The following GALNT13 variants were observed in gnomAD, a reference collection of about 807,000 sequenced individuals.
GALNT13 encodes UDP-GalNAc:polypeptide N-acetylgalactosaminyltransferase 13.
GALNT13 carries 28 observed loss-of-function variants against 64.2 expected under a neutral mutation model. That is an observed-to-expected ratio of 0.44 (90% CI 0.32 to 0.60). GALNT13 has a LOEUF of 0.60. GALNT13 is among the 20% of genes least tolerant of loss of function. The pLI is 0.05. For missense variants in GALNT13, 577 were observed against 669.8 expected (o/e 0.86, Z 1.53); for synonymous variants, 214 against 224.6 (o/e 0.95, Z 0.42).
chr2:154,006,868 G>C (rs1312143559), intron 3 of GALNT13, among the ~76,000 whole-genome samples: 1 of 152,110 alleles, frequency 6.6e-6, no homozygotes, highest in Non-Finnish European at 1.5e-5. Flanking sequence ...GATTGTAATG[G>C]GAAGACTTGT....
chr2:153,092,537 T>G, the GALNT13 span, among the ~76,000 whole-genome samples: 1 of 152,236 alleles, frequency 6.6e-6, no homozygotes, highest in African/African-American at 2.4e-5. Flanking sequence ...TTATAGTTTT[T>G]ATTATAGAGA....
At chr2:153,991,247 G>A (rs533898194) in intron 3 of GALNT13, among the ~76,000 whole-genome samples, 2 of 152,178 alleles carry the variant, frequency 1.3e-5, no homozygotes, top group Non-Finnish European at 2.9e-5. Context: ...GCTGGGCAGG[G>A]CTAGATTGTG....
At chr2:153,478,395 C>T in the GALNT13 span, 3 of 1,614,094 alleles carry the variant, frequency 1.9e-6, no homozygotes, top group Admixed American at 1.7e-5. Flanking sequence ...CCGCGATCTG[C>T]ACCACGCGCA....
chr2:153,536,508 G>A, the GALNT13 span, among the ~76,000 whole-genome samples: 1 of 152,002 alleles, frequency 6.6e-6, no homozygotes, highest in Non-Finnish European at 1.5e-5. Flanking sequence ...AAGATGAAGT[G>A]ATGACTTGTA....
the GALNT13 span, among the ~76,000 whole-genome samples, chr2:153,781,424 T>C: frequency 6.6e-6 from 1 of 152,146 alleles, no homozygotes; most frequent in African/African-American, 2.4e-5. Flanking sequence ...AGAATTAGAA[T>C]GAACACATCT....
chr2:153,162,178 G>T, the GALNT13 span, among the ~76,000 whole-genome samples: 1 of 152,120 alleles, frequency 6.6e-6, no homozygotes, highest in Non-Finnish European at 1.5e-5. Context: ...ATGCTGACAG[G>T]TATCAGTCAC....
the GALNT13 span, among the ~76,000 whole-genome samples, chr2:153,570,306 C>T: frequency 6.6e-6 from 1 of 151,826 alleles, no homozygotes; most frequent in Non-Finnish European, 1.5e-5. Flanking sequence ...TAAATTTTTC[C>T]CTATAGTGTT....
the GALNT13 span, among the ~76,000 whole-genome samples, chr2:153,755,473 T>C: frequency 6.6e-6 from 1 of 152,144 alleles, no homozygotes; most frequent in Non-Finnish European, 1.5e-5. Flanking sequence ...GAGCTTATGG[T>C]TTTAATGGGC....
the GALNT13 span, among the ~76,000 whole-genome samples, chr2:153,550,354 C>G: frequency 6.6e-6 from 1 of 151,808 alleles, no homozygotes; most frequent in Non-Finnish European, 1.5e-5. Context: ...CATGCCTCAG[C>G]CTGCTGAGTA....
chr2:153,394,066 G>C, the GALNT13 span, among the ~76,000 whole-genome samples: 1 of 151,662 alleles, frequency 6.6e-6, no homozygotes, highest in African/African-American at 2.4e-5. Flanking sequence ...AATGAAACGT[G>C]AACAGAAGTG....
the GALNT13 span, among the ~76,000 whole-genome samples, chr2:153,494,677 AC>A: frequency 4.6e-5 from 7 of 152,050 alleles, no homozygotes; most frequent in African/African-American, 1.7e-4. Context: ...TAGAAGAGAA[AC>A]CTTTGTGACC....
chr2:153,327,852 G>A, the GALNT13 span, among the ~76,000 whole-genome samples: 2 of 152,018 alleles, frequency 1.3e-5, no homozygotes, highest in African/African-American at 2.4e-5. Flanking sequence ...TCGGAGTTGT[G>A]ATCCTTTGGA....
At chr2:154,029,645 TAAACAA>T (rs1489940816) in intron 3 of GALNT13, among the ~76,000 whole-genome samples, 1 of 152,082 alleles carries the variant, frequency 6.6e-6, no homozygotes, top group Non-Finnish European at 1.5e-5. Flanking sequence ...TATTTAGTTT[TAAACAA>T]AATGTACAAG....
the GALNT13 span, among the ~76,000 whole-genome samples, chr2:153,841,317 T>C: frequency 6.6e-6 from 1 of 152,224 alleles, no homozygotes; most frequent in Non-Finnish European, 1.5e-5. Context: ...TATTCCTTTA[T>C]AATTTTATAG....
chr2:154,169,324 G>A (rs1464797673), intron 4 of GALNT13, among the ~76,000 whole-genome samples: 1 of 152,236 alleles, frequency 6.6e-6, no homozygotes, highest in East Asian at 1.9e-4. Context: ...CATCACATTT[G>A]GGAAATAGGC....
At chr2:154,337,404 T>A (rs899196268) in intron 9 of GALNT13, among the ~76,000 whole-genome samples, 5 of 152,082 alleles carry the variant, frequency 3.3e-5, no homozygotes, top group South Asian at 2.1e-4. Context: ...TTTTATTTTT[T>A]AAAAAGACAG....
At chr2:153,630,781 ATATATATATATATATATATATATATATT>A in the GALNT13 span, among the ~76,000 whole-genome samples, 3 of 8,816 alleles carry the variant, frequency 3.4e-4, no homozygotes, top group Admixed American at 1.2e-3. Context: ...ATATATATAT[ATATATATATATATATATATATATATATT>A]TTTTTTTTTT....
At chr2:153,832,063 G>C in the GALNT13 span, among the ~76,000 whole-genome samples, 140 of 152,234 alleles carry the variant, frequency 9.2e-4, 1 homozygote, top group Middle Eastern at 3.4e-3. Context: ...GAAGAGAACT[G>C]TATGTTTCAG....
chr2:153,963,124 G>T (rs1033918531), intron 3 of GALNT13, among the ~76,000 whole-genome samples: 1 of 152,246 alleles, frequency 6.6e-6, no homozygotes, highest in African/African-American at 2.4e-5. Context: ...GTGCTTTGTT[G>T]GTTTGTTCTC....
Sources: gnomAD v4.1 joint callset for allele counts (sites outside exome capture counted in the v4.1 genomes callset) on GRCh38, gnomAD v4.1.1 for gene constraint, MANE v1.5 for transcripts, NCBI Gene and HGNC (gene_info 2026-07-23, HGNC 2026-07-21) for gene names.